Variants in UGT2A3 observed in about 807,000 individuals in gnomAD.
The protein encoded by UGT2A3 is UDP glucuronosyltransferase family 2 member A3.
A neutral mutation model predicts 44.1 loss-of-function variants in UGT2A3; 55 were observed. The ratio of observed to expected loss-of-function variants is 1.25; its 90% confidence interval spans 1.00 to 1.56. The LOEUF is 1.56. Among genes scored for constraint, UGT2A3 ranks in the 40% most tolerant of loss-of-function variants. UGT2A3 has a pLI of 0.00. For missense variants in UGT2A3, 733 were observed against 621.6 expected (o/e 1.18, Z -1.91); for synonymous variants, 243 against 215.1 (o/e 1.13, Z -1.13).
At chr4:68,943,221 TTG>T (rs1253515284) in intron 2 of UGT2A3, 265 of 636,818 alleles carry the variant, frequency 4.2e-4, no homozygotes, top group Middle Eastern at 6.0e-4. Flanking sequence ...GTGTGTGTGT[TTG>T]TGTGTGTGTG....
At chr4:68,950,775 C>A (rs994491258) in intron 1 of UGT2A3, among the ~76,000 whole-genome samples, 1 of 151,726 alleles carries the variant, frequency 6.6e-6, no homozygotes, top group Non-Finnish European at 1.5e-5. Context: ...ATCAGTGATT[C>A]TCAAAAATAT....
chr4:68,945,902 A>G (rs755891597), intron 1 of UGT2A3, among the ~76,000 whole-genome samples: 4 of 151,616 alleles, frequency 2.6e-5, no homozygotes, highest in Non-Finnish European at 4.4e-5. Context: ...ACTAAATAAC[A>G]TCTCTGTATT....
At chr4:68,950,910 T>C (rs1718558297) in intron 1 of UGT2A3, 136 bp downstream of exon 1, 6 of 599,510 alleles carry the variant, frequency 1.0e-5, no homozygotes, top group Non-Finnish European at 1.6e-5. Context: ...CAAATACACT[T>C]TCTTTATGAA....
chr4:68,949,541 T>A (rs1348905362), intron 1 of UGT2A3, among the ~76,000 whole-genome samples: 2 of 151,900 alleles, frequency 1.3e-5, no homozygotes, highest in Non-Finnish European at 2.9e-5. Context: ...AAAAGCATGA[T>A]AAATGCCAAT....
Position 68,951,680 on chromosome 4 carries a change from C to G in UGT2A3, c.81G>C (p.Leu27=), listed in dbSNP as rs546017209. 51 of 1,611,782 alleles carry G rather than the reference C, an allele frequency of 3.2e-5. No homozygotes were observed. Among genetic ancestry groups the G allele is most frequent in the Middle Eastern group, 3.3e-4 (2 of 6,050 alleles). ...AATGGCTCATGTCACAGGGCCACAC[C>G]AGGACTTTCCCACAGAATCCACAGC... ...CVGCGFCGKV[L]VWPCDMSHWL... Residue 27 remains leucine, a synonymous_variant, in exon 1 of 6, where the codon CTG becomes CTC. Coordinates refer to ENST00000251566, the MANE Select transcript of UGT2A3 (RefSeq NM_024743.4).
intron 1 of UGT2A3, among the ~76,000 whole-genome samples, chr4:68,950,838 AT>A (rs1341898316): frequency 4.0e-5 from 6 of 151,876 alleles, no homozygotes; most frequent in African/African-American, 1.4e-4. Flanking sequence ...TCTCTTAGTT[AT>A]TGATGATCAT....
chr4:68,951,086 G>T lies in UGT2A3; in HGVS notation c.675C>A (p.Tyr225Ter). 6.2e-7 allele frequency: 1 copy of T among 1,605,882 alleles called. No individual in the cohort carries two copies. Among genetic ancestry groups the T allele is most frequent in the Non-Finnish European group, 8.5e-7 (1 of 1,176,872 alleles). Residue 225 changes from tyrosine (Y) to a stop codon, truncating the protein, a stop_gained, in exon 1 of 6, where the codon TAC becomes TAA. Coordinates refer to ENST00000251566, the MANE Select transcript of UGT2A3 (RefSeq NM_024743.4). LOFTEE classifies it high-confidence loss of function. ...SVLFHFWIQD[Y>*]DYHFWEEFYS... ...AAAACTCTTCCCAAAAATGATAGTCGTAATCCTGAATCCAGAAGTGGAACA... is the reference window on the plus strand; with the variant it reads ...AAAACTCTTCCCAAAAATGATAGTCTTAATCCTGAATCCAGAAGTGGAACA...
At chr4:68,942,232 A>T (rs1718213609) in intron 2 of UGT2A3, among the ~76,000 whole-genome samples, 1 of 151,376 alleles carries the variant, frequency 6.6e-6, no homozygotes, top group Non-Finnish European at 1.5e-5. Context: ...AACATCCATT[A>T]ATGAAGAAAT....
intron 2 of UGT2A3, among the ~76,000 whole-genome samples, chr4:68,937,911 C>T (rs1334352375): frequency 1.3e-5 from 2 of 151,962 alleles, no homozygotes; most frequent in African/African-American, 2.4e-5. Flanking sequence ...TACAAACTAC[C>T]GTCAGAGAAT....
At chr4:68,941,631 G>T (rs1718189342) in intron 2 of UGT2A3, among the ~76,000 whole-genome samples, 1 of 151,892 alleles carries the variant, frequency 6.6e-6, no homozygotes, top group South Asian at 2.1e-4. Context: ...AGGAAAAGTA[G>T]ATAAACGGGT....
At chr4:68,945,256 A>C in intron 2 of UGT2A3, 50 bp downstream of exon 2, 2 of 1,599,996 alleles carry the variant, frequency 1.3e-6, no homozygotes, top group Non-Finnish European at 1.7e-6. Context: ...TTCAAGGGAA[A>C]ACAAGTCATG....
rs932450571 is a variant in UGT2A3 at position 68,931,044 on chromosome 4, T to C, written c.1084+111A>G. 3.5e-6 allele frequency: 3 copies of C among 864,732 alleles called. No homozygotes were observed. The Admixed American group carries it at 8.8e-5, about 25-fold the overall frequency. 53.6% of individuals were successfully genotyped at this position (864,732 alleles called of 1,614,324 possible). A position where few individuals can be genotyped will look rare whatever the true frequency, so the allele number is the denominator to read the frequency against. ...TTTAATTATATCTGCTTCAAAAGAGTAAGTAAAATAAAGTTTTATAATTTT... is the reference window on the plus strand; with the variant it reads ...TTTAATTATATCTGCTTCAAAAGAGCAAGTAAAATAAAGTTTTATAATTTT... On this transcript the variant is annotated intron_variant, in intron 4 of 5. Coordinates refer to ENST00000251566, the MANE Select transcript of UGT2A3 (RefSeq NM_024743.4).
chr4:68,949,619 A>G (rs975095213), intron 1 of UGT2A3, among the ~76,000 whole-genome samples: 5 of 151,942 alleles, frequency 3.3e-5, no homozygotes, highest in African/African-American at 1.2e-4. Flanking sequence ...GCTTGACTCA[A>G]GGTTTTCAAA....
rs149573493 is a variant in UGT2A3, at chr4:68,945,299, G to A, written c.864+7C>T. On this transcript the variant is annotated splice_region_variant and intron_variant, in intron 2 of 5. Coordinates refer to ENST00000251566, the MANE Select transcript of UGT2A3 (RefSeq NM_024743.4). ...GTACATAATATTCCTTAATACAATA[G>A]TCCTACCTTAGGCAAAGCTTTGGCA... 3.6e-3 allele frequency: 5,746 copies of A among 1,610,756 alleles called. 351 individuals are homozygous for A. The Admixed American group carries it at 0.089, about 25-fold the overall frequency.
At chr4:68,947,675 C>T (rs1170362503) in intron 1 of UGT2A3, among the ~76,000 whole-genome samples, 1 of 151,778 alleles carries the variant, frequency 6.6e-6, no homozygotes, top group Non-Finnish European at 1.5e-5. Context: ...ATATTTCTTA[C>T]ATAAGACTTG....
chr4:68,936,146 A>G (rs1293538384), intron 2 of UGT2A3, among the ~76,000 whole-genome samples: 4 of 152,148 alleles, frequency 2.6e-5, no homozygotes. Flanking sequence ...TCTTCAGTAT[A>G]TTATCCAGGA....
At chr4:68,936,182 G>A (rs1004668604) in intron 2 of UGT2A3, among the ~76,000 whole-genome samples, 1 of 152,050 alleles carries the variant, frequency 6.6e-6, no homozygotes, top group African/African-American at 2.4e-5. Flanking sequence ...AGCGAGGCAG[G>A]CCAACATTCA....
intron 3 of UGT2A3, among the ~76,000 whole-genome samples, chr4:68,931,497 A>G (rs1717734667): frequency 6.6e-6 from 1 of 151,992 alleles, no homozygotes; most frequent in African/African-American, 2.4e-5. Context: ...GAGAATGAGA[A>G]TACCAGTGAA....
intron 1 of UGT2A3, 66 bp downstream of exon 1, chr4:68,950,980 T>A: frequency 4.3e-6 from 5 of 1,163,480 alleles, no homozygotes; most frequent in Admixed American, 2.9e-5. Flanking sequence ...TCATAGACAA[T>A]GTATGACAAT....
Sources: allele counts gnomAD v4.1 joint callset (sites outside exome capture counted in the v4.1 genomes callset), GRCh38; gene constraint gnomAD v4.1.1; transcripts MANE v1.5; gene names NCBI Gene and HGNC (gene_info 2026-07-23, HGNC 2026-07-21).